The following PLXDC2 variants were observed in gnomAD, a reference collection of about 807,000 sequenced individuals.
PLXDC2 encodes plexin domain-containing protein 2.
In PLXDC2, 40 loss-of-function variants were observed where a neutral mutation model predicts 68.9. The observed-to-expected ratio is 0.58, with a 90% CI of 0.45 to 0.76. The LOEUF is 0.76. Among genes scored for constraint, PLXDC2 ranks in the 30% least tolerant of loss-of-function variants. The pLI is 0.00. For missense variants in PLXDC2, 644 were observed against 661.9 expected (o/e 0.97, Z 0.30); for synonymous variants, 243 against 234.2 (o/e 1.04, Z -0.34).
chr10:19,849,939 G>C (rs963991697), intron 1 of PLXDC2, among the ~76,000 whole-genome samples: 1 of 152,292 alleles, frequency 6.6e-6, no homozygotes, highest in Admixed American at 6.5e-5. Flanking sequence ...CACCTGTGGT[G>C]TGGGCTTTGA....
intron 4 of PLXDC2, among the ~76,000 whole-genome samples, chr10:20,085,057 G>A (rs1233428226): frequency 6.6e-6 from 1 of 151,800 alleles, no homozygotes; most frequent in African/African-American, 2.4e-5. Flanking sequence ...ACAAAAGTGT[G>A]CATTTCTTTT....
intron 1 of PLXDC2, among the ~76,000 whole-genome samples, chr10:19,963,027 T>G (rs1834187856): frequency 6.6e-6 from 1 of 151,920 alleles, no homozygotes; most frequent in Admixed American, 6.6e-5. Flanking sequence ...TTTTTTCTCT[T>G]TCTTGATTGT....
At chr10:20,073,906 G>T (rs1836386347) in intron 4 of PLXDC2, among the ~76,000 whole-genome samples, 1 of 152,106 alleles carries the variant, frequency 6.6e-6, no homozygotes, top group Non-Finnish European at 1.5e-5. Context: ...TAATCAAATA[G>T]CTATCACTAG....
At chr10:19,931,649 C>T (rs1392152954) in intron 1 of PLXDC2, among the ~76,000 whole-genome samples, 1 of 152,152 alleles carries the variant, frequency 6.6e-6, no homozygotes, top group Non-Finnish European at 1.5e-5. Context: ...CAGGCCGCTA[C>T]GCTCTGCAGA....
At chr10:19,886,407 C>G (rs2131355702) in intron 1 of PLXDC2, among the ~76,000 whole-genome samples, 1 of 152,252 alleles carries the variant, frequency 6.6e-6, no homozygotes, top group Admixed American at 6.5e-5. Context: ...TCCAGCAGCA[C>G]ATCAAAAAGC....
chr10:20,068,447 C>T (rs967996206), intron 4 of PLXDC2, among the ~76,000 whole-genome samples: 1 of 151,784 alleles, frequency 6.6e-6, no homozygotes, highest in Non-Finnish European at 1.5e-5. Flanking sequence ...TAATAATTTT[C>T]AACCTAGATC....
At chr10:20,102,483 A>C (rs2097188614) in intron 4 of PLXDC2, among the ~76,000 whole-genome samples, 2 of 152,200 alleles carry the variant, frequency 1.3e-5, no homozygotes, top group African/African-American at 2.4e-5. Context: ...ATTTCTATTA[A>C]ATGGACTATA....
At chr10:19,913,337 C>T (rs1424429804) in intron 1 of PLXDC2, among the ~76,000 whole-genome samples, 3 of 152,102 alleles carry the variant, frequency 2.0e-5, no homozygotes, top group Non-Finnish European at 4.4e-5. Flanking sequence ...TTTCCTTCCA[C>T]CGTGATTGTA....
chr10:19,859,606 T>C (rs1038021541), intron 1 of PLXDC2, among the ~76,000 whole-genome samples: 13 of 152,204 alleles, frequency 8.5e-5, no homozygotes, highest in Admixed American at 7.9e-4. Flanking sequence ...TCCCCATTTG[T>C]TAAAGCCTTT....
At chr10:20,145,985 A>G (rs1259395156) in intron 5 of PLXDC2, among the ~76,000 whole-genome samples, 1 of 152,148 alleles carries the variant, frequency 6.6e-6, no homozygotes, top group Non-Finnish European at 1.5e-5. Flanking sequence ...ATTTTCTTGT[A>G]TTTAATGCAG....
intron 1 of PLXDC2, among the ~76,000 whole-genome samples, chr10:19,829,843 A>G (rs1215045197): frequency 6.6e-6 from 1 of 152,236 alleles, no homozygotes; most frequent in Non-Finnish European, 1.5e-5. Context: ...TCATTTACAA[A>G]GGATGATTTA....
At chr10:19,946,223 A>T (rs1280336090) in intron 1 of PLXDC2, among the ~76,000 whole-genome samples, 1 of 152,178 alleles carries the variant, frequency 6.6e-6, no homozygotes, top group African/African-American at 2.4e-5. Context: ...CTGAGTGAGT[A>T]ATCTTCGAAA....
chr10:20,207,524 A>T (rs932910318), intron 9 of PLXDC2, among the ~76,000 whole-genome samples: 1 of 152,174 alleles, frequency 6.6e-6, no homozygotes, highest in African/African-American at 2.4e-5. Context: ...CCATTGAATT[A>T]CTTATGGTTA....
chr10:20,202,541 T>C (rs1203528038), intron 9 of PLXDC2, among the ~76,000 whole-genome samples: 3 of 151,558 alleles, frequency 2.0e-5, no homozygotes, highest in East Asian at 2.0e-4. Context: ...AGAAGGATTG[T>C]GTAAGTCAAT....
At chr10:20,008,264 A>C (rs1835058614) in intron 2 of PLXDC2, among the ~76,000 whole-genome samples, 1 of 152,194 alleles carries the variant, frequency 6.6e-6, no homozygotes, top group Non-Finnish European at 1.5e-5. Flanking sequence ...AATCTAAAAA[A>C]AGAATGTAGG....
rs1002441686 is a variant in PLXDC2, at chr10:19,921,818, G to C, written c.113-79957G>C. On this transcript the variant is annotated intron_variant, in intron 1 of 13. Transcript: ENST00000377252. Reference sequence around the variant, plus strand: ...AAGCCCAGTGTATTAGGGCCAGTTGGGACAACTGTGTCTATCTTTTTTTTA... The same window carrying C: ...AAGCCCAGTGTATTAGGGCCAGTTGCGACAACTGTGTCTATCTTTTTTTTA... Among the ~76,000 whole-genome samples, 10 of 152,166 alleles carry C rather than the reference G, an allele frequency of 6.6e-5. 1 individual carries two copies. The South Asian group carries it at 1.7e-3, about 25-fold the overall frequency.
At chr10:20,216,402 G>T (rs1250475920) in intron 10 of PLXDC2, among the ~76,000 whole-genome samples, 2 of 152,100 alleles carry the variant, frequency 1.3e-5, no homozygotes, top group Non-Finnish European at 2.9e-5. Context: ...GCTCAGAGGT[G>T]CAGGAACTGG....
chr10:19,837,403 AGAGAGAGTGTGTGTGTGTGT>A (rs1330506717), intron 1 of PLXDC2, among the ~76,000 whole-genome samples: 1 of 60,558 alleles, frequency 1.7e-5, no homozygotes, highest in African/African-American at 5.0e-5. Flanking sequence ...AGAGAGAGAG[AGAGAGAGTGTGTGTGTGTGT>A]GTGTGTGTGT....
intron 1 of PLXDC2, among the ~76,000 whole-genome samples, chr10:19,944,445 T>C (rs1233590037): frequency 6.6e-6 from 1 of 151,854 alleles, no homozygotes; most frequent in African/African-American, 2.4e-5. Flanking sequence ...TTCATATTGT[T>C]GTAGGGTTTA....
Sources: gnomAD v4.1 joint callset for allele counts (sites outside exome capture counted in the v4.1 genomes callset) on GRCh38, gnomAD v4.1.1 for gene constraint, MANE v1.5 for transcripts, NCBI Gene and HGNC (gene_info 2026-07-23, HGNC 2026-07-21) for gene names.